Variants in RCSD1 observed in about 807,000 individuals in gnomAD.
RCSD1 encodes capZ-interacting protein.
In RCSD1, 26 loss-of-function variants were observed where a neutral mutation model predicts 42.5. The observed-to-expected ratio is 0.61, with a 90% confidence interval of 0.45 to 0.85. The LOEUF (loss-of-function observed/expected upper bound fraction) is 0.85, where lower values mean the gene tolerates loss of function less well. Among genes scored for constraint, RCSD1 ranks in the 40% least tolerant of loss-of-function variants. The pLI is 0.00. For missense variants in RCSD1, 571 were observed against 528.3 expected (o/e 1.08, Z -0.79); for synonymous variants, 220 against 212.2 (o/e 1.04, Z -0.32).
At chr1:167,674,720 C>T (rs114239926) in intron 1 of RCSD1, among the ~76,000 whole-genome samples, 1 of 152,324 alleles carries the variant, frequency 6.6e-6, no homozygotes, top group Non-Finnish European at 1.5e-5. Context: ...AATGAAATCA[C>T]ATAATATGTG....
At chr1:167,703,681 A>G (rs1019495427) in intron 6 of RCSD1, among the ~76,000 whole-genome samples, 1 of 152,192 alleles carries the variant, frequency 6.6e-6, no homozygotes, top group South Asian at 2.1e-4. Context: ...ATGCTCCTCC[A>G]TGGGCTGGGC....
chr1:167,692,664 T>C (rs1027172381), intron 4 of RCSD1, among the ~76,000 whole-genome samples: 2 of 152,186 alleles, frequency 1.3e-5, no homozygotes, highest in Non-Finnish European at 2.9e-5. Flanking sequence ...CCCAGCTTCA[T>C]ATGCTGCTTT....
At position 167,676,429 on chromosome 1, in the gene RCSD1, A is replaced by G. The variant is rs114242890; in HGVS notation, c.7-7471A>G. 2.5e-3 allele frequency among the ~76,000 whole-genome samples: 376 copies of G among 152,374 alleles called. 2 individuals are homozygous for G. The highest frequency in any genetic ancestry group is 8.4e-3 in the African/African-American group (349 of 41,598). On this transcript the variant is annotated intron_variant, in intron 1 of 6. Transcript: ENST00000367854. ...TTAATGGCCTCATTTACAAACAAGG[A>G]AACTGAGACTCAGAGAGGTTCACAC...
At chr1:167,690,780 A>T (rs962531958) in intron 4 of RCSD1, among the ~76,000 whole-genome samples, 6 of 152,206 alleles carry the variant, frequency 3.9e-5, no homozygotes, top group African/African-American at 7.2e-5. Context: ...ATGCAGCCAC[A>T]AACCATTTCA....
intron 5 of RCSD1, among the ~76,000 whole-genome samples, chr1:167,694,659 C>T (rs769302042): frequency 6.6e-6 from 1 of 152,156 alleles, no homozygotes; most frequent in Non-Finnish European, 1.5e-5. Context: ...AAGCTAAAGG[C>T]CTGATCAGTG....
intron 1 of RCSD1, among the ~76,000 whole-genome samples, chr1:167,679,265 G>C (rs1407469301): frequency 6.6e-6 from 1 of 152,220 alleles, no homozygotes; most frequent in African/African-American, 2.4e-5. Context: ...TCCTCTTTTA[G>C]AGAGGTAAGA....
chr1:167,683,874 A>T (rs1358177831), intron 1 of RCSD1, 26 bp from the exon 2 acceptor site: 1 of 1,608,354 alleles, frequency 6.2e-7, no homozygotes, highest in East Asian at 2.2e-5. Flanking sequence ...TTGCTGATTA[A>T]CTGTTTCTTC....
chr1:167,679,415 A>G (rs1659026913), intron 1 of RCSD1, among the ~76,000 whole-genome samples: 1 of 152,224 alleles, frequency 6.6e-6, no homozygotes, highest in South Asian at 2.1e-4. Flanking sequence ...ATGGTCAAAC[A>G]TTGGGATACA....
rs1659536122 is a variant in RCSD1 at position 167,697,701 on chromosome 1, A to G, written c.1077A>G (p.Gly359=). 6.2e-7 allele frequency: 1 copy of G among 1,600,750 alleles called. No individual in the cohort carries two copies. Among genetic ancestry groups the G allele is most frequent in the African/African-American group, 1.3e-5 (1 of 74,394 alleles). ...PHSPPGGVKG[G]DVPKQEKGKE... ...GTCCCCCTGGAGGAGTGAAGGGCGG[A>G]GATGTCCCCAAGCAGGAAAAAGGCA... is the stretch of plus-strand genomic sequence containing the variant. Residue 359 remains glycine, a synonymous_variant, in exon 6 of 7, where the codon GGA becomes GGG. Transcript: ENST00000367854.
chr1:167,634,941 AGTGTGTGTGTGT>A lies in RCSD1; in HGVS notation c.6+4531_6+4542del, dbSNP rs68149146. ...AGACTGTCAGTATTACTATGATGAG[AGTGTGTGTGTGT>A]GTGTGTGTGTGTGTGTGTACATATT... On this transcript the variant is annotated intron_variant, in intron 1 of 6. Coordinates refer to ENST00000367854, the MANE Select transcript of RCSD1 (RefSeq NM_052862.4). Among the ~76,000 whole-genome samples the A allele has an allele frequency of 8.9e-5, 13 of 146,534 alleles. No individual in the cohort carries two copies. In the East Asian group the frequency reaches 1.0e-3, roughly 11 times the overall value.
At chr1:167,639,532 T>A (rs868770220) in intron 1 of RCSD1, among the ~76,000 whole-genome samples, 8 of 152,102 alleles carry the variant, frequency 5.3e-5, no homozygotes, top group Middle Eastern at 6.8e-3. Context: ...TTGCTCTGTC[T>A]CCCAGGCTGG....
intron 6 of RCSD1, among the ~76,000 whole-genome samples, chr1:167,701,252 G>GTTTGTTTGTTTCTTTCTTTCTTTCTTTC (rs1276194168): frequency 1.2e-4 from 12 of 96,136 alleles, no homozygotes; most frequent in Admixed American, 7.0e-4. Context: ...CAATTGCCTA[G>GTTTGTTTGTTTCTTTCTTTCTTTCTTTC]TTTCTTTCTT....
At chr1:167,685,044 A>C (rs1659192484) in intron 2 of RCSD1, among the ~76,000 whole-genome samples, 1 of 152,226 alleles carries the variant, frequency 6.6e-6, no homozygotes, top group African/African-American at 2.4e-5. Flanking sequence ...ATTTCTAGAC[A>C]GTACAGGCAT....
intron 1 of RCSD1, 107 bp downstream of exon 1, chr1:167,630,536 G>C: frequency 8.2e-7 from 1 of 1,219,236 alleles, no homozygotes; most frequent in Non-Finnish European, 1.1e-6. Flanking sequence ...GCGGCTCATC[G>C]CTGCTGCCAA....
At chr1:167,680,941 C>T (rs747796239) in intron 1 of RCSD1, among the ~76,000 whole-genome samples, 8 of 152,170 alleles carry the variant, frequency 5.3e-5, no homozygotes, top group Non-Finnish European at 8.8e-5. Flanking sequence ...ATGGCCTTAG[C>T]GGGACTGCCG....
At chr1:167,651,393 G>A (rs1658301061) in intron 1 of RCSD1, among the ~76,000 whole-genome samples, 1 of 152,232 alleles carries the variant, frequency 6.6e-6, no homozygotes, top group South Asian at 2.1e-4. Context: ...GGCTCCTTCT[G>A]TCATGCCTGC....
chr1:167,699,968 T>G lies in RCSD1; in HGVS notation c.1218+2126T>G, dbSNP rs563040811. ...CCCATCAGTTATTTTCTCCCACGATTCTACTTTTATCATAGAACACATCAC... is the reference window on the plus strand; with the variant it reads ...CCCATCAGTTATTTTCTCCCACGATGCTACTTTTATCATAGAACACATCAC... On this transcript the variant is annotated intron_variant, in intron 6 of 6. Transcript: ENST00000367854. Among the ~76,000 whole-genome samples the G allele has an allele frequency of 2.6e-4, 39 of 152,326 alleles. No individual in the cohort carries two copies. The South Asian group carries it at 2.7e-3, about 11-fold the overall frequency.
At chr1:167,704,050 G>A (rs2101727827) in intron 6 of RCSD1, among the ~76,000 whole-genome samples, 1 of 152,274 alleles carries the variant, frequency 6.6e-6, no homozygotes, top group African/African-American at 2.4e-5. Context: ...CTCAGCAAAA[G>A]AACTGATGGG....
intron 1 of RCSD1, among the ~76,000 whole-genome samples, chr1:167,637,617 A>T (rs1244678242): frequency 6.6e-6 from 1 of 152,118 alleles, no homozygotes; most frequent in Non-Finnish European, 1.5e-5. Context: ...CTGCTAGAGA[A>T]GTTGATTTGA....
Sources: gnomAD v4.1 joint callset for allele counts (sites outside exome capture counted in the v4.1 genomes callset) on GRCh38, gnomAD v4.1.1 for gene constraint, MANE v1.5 for transcripts, NCBI Gene and HGNC (gene_info 2026-07-23, HGNC 2026-07-21) for gene names.